Variants in SLC26A3 observed in about 807,000 individuals in gnomAD.
The protein encoded by SLC26A3 is solute carrier family 26 member 3.
In SLC26A3, 64 loss-of-function variants were observed where a neutral mutation model predicts 85.6. That is an observed-to-expected ratio of 0.75 (90% CI 0.61 to 0.92). The LOEUF is 0.92. Among genes scored for constraint, SLC26A3 ranks in the 40% least tolerant of loss-of-function variants. SLC26A3 has a pLI of 0.00. For missense variants in SLC26A3, 922 were observed against 927.3 expected, an observed-to-expected ratio of 0.99 and a Z score of 0.07; for synonymous variants, 349 against 336.0, an observed-to-expected ratio of 1.04 and a Z score of -0.42.
At position 107,772,067 on chromosome 7, in the gene SLC26A3, G is replaced by A. The variant is rs376554543; in HGVS notation, c.2049C>T (p.Ile683=). The A allele has an allele frequency of 2.7e-5, 43 of 1,611,990 alleles. No homozygotes were observed. Among genetic ancestry groups the A allele is most frequent in the African/African-American group, 4.0e-5 (3 of 74,972 alleles). The change falls in exon 18 of 21, where the codon ATC becomes ATT. Residue 683 remains isoleucine, a synonymous_variant. Transcript: ENST00000340010. ...EFIRIKVDVY[I]VGTDDDFIEK... ...AAAGCCACTTACCATCAGTTCCAAC[G>A]ATATACACATCTACCTTGATCCTGA...
chr7:107,801,232 T>A lies in SLC26A3; in HGVS notation c.-89+1879A>T, dbSNP rs746810850. On this transcript the variant is annotated intron_variant, in intron 1 of 20. Transcript: ENST00000340010. ...CAGAGCCAGGATGAGAAGCCACATCTAGTGAATAACTGACTCTCTCCACTA... is the reference window on the plus strand; with the variant it reads ...CAGAGCCAGGATGAGAAGCCACATCAAGTGAATAACTGACTCTCTCCACTA... 1.4e-4 allele frequency among the ~76,000 whole-genome samples: 21 copies of A among 152,344 alleles called. 1 individual carries two copies. The Middle Eastern group carries it at 0.01, about 74-fold the overall frequency.
At chr7:107,790,240 G>T (rs1480176183) in intron 5 of SLC26A3, among the ~76,000 whole-genome samples, 1 of 152,128 alleles carries the variant, frequency 6.6e-6, no homozygotes, top group East Asian at 1.9e-4. Flanking sequence ...TTTTGCAATC[G>T]AGTGAATCGG....
At chr7:107,787,570 G>A (rs573092489) in intron 6 of SLC26A3, 61 bp from the exon 7 acceptor site, 34 of 1,390,462 alleles carry the variant, frequency 2.4e-5, no homozygotes, top group African/African-American at 4.3e-5. Context: ...TGGATACAAC[G>A]CATCTCCAAA....
At chr7:107,767,517 A>T in intron 20 of SLC26A3, 62 bp downstream of exon 20, 1 of 1,267,796 alleles carries the variant, frequency 7.9e-7, no homozygotes, top group Non-Finnish European at 1.2e-6. Flanking sequence ...TGGCCTCACT[A>T]CTTTGAAGGT....
At chr7:107,787,029 G>T in intron 7 of SLC26A3, 120 bp from the exon 8 acceptor site, 5 of 879,016 alleles carry the variant, frequency 5.7e-6, no homozygotes, top group South Asian at 2.7e-5. Context: ...TCCAGCCCAG[G>T]CTTTGTTACT....
chr7:107,783,487 G>T, intron 8 of SLC26A3, 135 bp from the exon 9 acceptor site: 1 of 1,042,298 alleles, frequency 9.6e-7, no homozygotes, highest in Admixed American at 2.0e-5. Flanking sequence ...CGAGAATTTA[G>T]CTCCACTAAC....
chr7:107,791,762 A>G, intron 4 of SLC26A3, 68 bp downstream of exon 4: 1 of 991,502 alleles, frequency 1.0e-6, no homozygotes, highest in Non-Finnish European at 1.6e-6. Context: ...AATTGATAGA[A>G]GGTATGGCTA....
At chr7:107,776,329 T>C in intron 15 of SLC26A3, 123 bp downstream of exon 15, 3 of 829,010 alleles carry the variant, frequency 3.6e-6, no homozygotes, top group East Asian at 2.5e-5. Flanking sequence ...CAAAAAATAC[T>C]GACACAACCC....
intron 13 of SLC26A3, among the ~76,000 whole-genome samples, chr7:107,777,198 T>C (rs1794131388): frequency 6.6e-6 from 1 of 152,224 alleles, no homozygotes. Flanking sequence ...CAATTTCTGT[T>C]GTAGAACTCC....
chr7:107,766,879 CTTTT>C (rs530938974), intron 20 of SLC26A3, among the ~76,000 whole-genome samples: 135 of 140,356 alleles, frequency 9.6e-4, no homozygotes, highest in Admixed American at 8.4e-3. Context: ...AGCCTGTTTC[CTTTT>C]TTTTTTTTCA....
intron 19 of SLC26A3, 47 bp from the exon 20 acceptor site, chr7:107,767,691 A>C (rs1308983478): frequency 6.2e-7 from 1 of 1,603,386 alleles, no homozygotes; most frequent in African/African-American, 1.3e-5. Context: ...GATTTTTTTT[A>C]ATGTTGAAAA....
chr7:107,773,597 C>G (rs1481094572), intron 17 of SLC26A3, among the ~76,000 whole-genome samples: 1 of 152,212 alleles, frequency 6.6e-6, no homozygotes, highest in Non-Finnish European at 1.5e-5. Flanking sequence ...CACTGTATTG[C>G]TGGAGTGCAG....
At chr7:107,772,420 T>A (rs1794042906) in intron 17 of SLC26A3, among the ~76,000 whole-genome samples, 1 of 152,222 alleles carries the variant, frequency 6.6e-6, no homozygotes, top group Admixed American at 6.5e-5. Flanking sequence ...TAGTGTCTTC[T>A]TTGGGATGAT....
intron 11 of SLC26A3, among the ~76,000 whole-genome samples, chr7:107,781,942 C>T (rs1794221854): frequency 1.3e-5 from 2 of 152,218 alleles, no homozygotes; most frequent in Middle Eastern, 3.4e-3. Flanking sequence ...ATGCCAAACC[C>T]TCAGCTAAGT....
chr7:107,799,390 TTTTC>T (rs540329010), intron 1 of SLC26A3, among the ~76,000 whole-genome samples: 1 of 151,316 alleles, frequency 6.6e-6, no homozygotes, highest in South Asian at 2.1e-4. Flanking sequence ...TTTTCTTTTC[TTTTC>T]TTTTTTTGAG....
In SLC26A3 at chr7:107,789,538, C is replaced by A. The variant is rs1279779376; in HGVS notation, c.721G>T (p.Val241Phe). Residue 241 changes from valine (V) to phenylalanine (F), a missense_variant, in exon 6 of 21, where the codon GTT becomes TTT. Transcript: ENST00000340010. ...QLTVPSHTDPVSIFKVLYSVF... is the reference protein window; with the variant it reads ...QLTVPSHTDPFSIFKVLYSVF... The stretch of plus-strand genomic sequence containing the variant: ...GAAATACTTACTTTGAAAATTGAAA[C>A]TGGATCAGTGTGTGACGGGACTGTC... 1 of 1,614,032 alleles carries A rather than the reference C, an allele frequency of 6.2e-7. No homozygotes were observed. The highest frequency in any genetic ancestry group is 8.5e-7 in the Non-Finnish European group (1 of 1,179,980).
chr7:107,779,239 G>A (rs905932294), intron 12 of SLC26A3, among the ~76,000 whole-genome samples: 2 of 152,158 alleles, frequency 1.3e-5, no homozygotes, highest in African/African-American at 2.4e-5. Flanking sequence ...TGAGAGCAAG[G>A]GGGAGCCTTT....
chr7:107,789,334 A>T (rs1447059502), intron 6 of SLC26A3, among the ~76,000 whole-genome samples, 190 bp downstream of exon 6: 1 of 150,724 alleles, frequency 6.6e-6, no homozygotes, highest in Non-Finnish European at 1.5e-5. Context: ...GTTAGCCAGG[A>T]TGGTCTCGAT....
chr7:107,781,020 A>G (rs963349782), intron 11 of SLC26A3, among the ~76,000 whole-genome samples: 42 of 152,322 alleles, frequency 2.8e-4, no homozygotes, highest in Admixed American at 6.5e-4. Context: ...ACCTGTGCGA[A>G]GAGACTTTTT....
Sources: gnomAD v4.1 joint callset for allele counts (sites outside exome capture counted in the v4.1 genomes callset) on GRCh38, gnomAD v4.1.1 for gene constraint, MANE v1.5 for transcripts, NCBI Gene and HGNC (gene_info 2026-07-23, HGNC 2026-07-21) for gene names.